Variants in SPOCK1 observed in about 807,000 individuals in gnomAD.
SPOCK1 encodes the protein SPARC (osteonectin), cwcv and kazal like domains proteoglycan 1.
SPOCK1 carries 23 observed loss-of-function variants against 55.3 expected under a neutral mutation model. The observed-to-expected ratio is 0.42, with a 90% CI of 0.30 to 0.59. The LOEUF is 0.59. Ranked by LOEUF, SPOCK1 falls within the 20% of genes least tolerant of loss-of-function variation. The pLI is 0.22. For missense variants in SPOCK1, 499 were observed against 552.5 expected, an observed-to-expected ratio of 0.90 and a Z score of 0.97; for synonymous variants, 226 against 221.0, an observed-to-expected ratio of 1.02 and a Z score of -0.20.
At chr5:137,285,650 A>G (rs1398689465) in intron 2 of SPOCK1, among the ~76,000 whole-genome samples, 1 of 152,248 alleles carries the variant, frequency 6.6e-6, no homozygotes, top group East Asian at 1.9e-4. Context: ...TAAAGACAGG[A>G]AAAAGACATG....
chr5:137,418,194 C>T (rs1580915067), intron 2 of SPOCK1, among the ~76,000 whole-genome samples: 1 of 152,080 alleles, frequency 6.6e-6, no homozygotes, highest in Non-Finnish European at 1.5e-5. Context: ...TTTCTTAATC[C>T]AGTCTATCAT....
At chr5:137,217,442 C>A (rs764415429) in intron 3 of SPOCK1, among the ~76,000 whole-genome samples, 1 of 152,188 alleles carries the variant, frequency 6.6e-6, no homozygotes, top group Non-Finnish European at 1.5e-5. Context: ...GAGCCTCCCC[C>A]ACCACAGCCT....
At chr5:137,431,876 C>A (rs1752751975) in intron 2 of SPOCK1, among the ~76,000 whole-genome samples, 2 of 152,142 alleles carry the variant, frequency 1.3e-5, no homozygotes, top group South Asian at 4.2e-4. Context: ...TATAAATTGC[C>A]CCGTCTTTGG....
At chr5:137,171,300 C>G (rs1754750947) in intron 3 of SPOCK1, among the ~76,000 whole-genome samples, 2 of 152,176 alleles carry the variant, frequency 1.3e-5, no homozygotes, top group South Asian at 4.1e-4. Flanking sequence ...CTCTGCCACT[C>G]TTGCATATCT....
At chr5:137,093,917 A>G (rs1385131890) in intron 5 of SPOCK1, among the ~76,000 whole-genome samples, 2 of 152,228 alleles carry the variant, frequency 1.3e-5, no homozygotes, top group Non-Finnish European at 2.9e-5. Context: ...AGGCTGTTTC[A>G]ATGATCACTC....
At chr5:137,375,165 A>C (rs1751286433) in intron 2 of SPOCK1, among the ~76,000 whole-genome samples, 1 of 152,234 alleles carries the variant, frequency 6.6e-6, no homozygotes, top group South Asian at 2.1e-4. Flanking sequence ...AAAAAAAGTC[A>C]AGAAGTAACA....
chr5:137,449,020 A>G (rs1160039542), intron 2 of SPOCK1, among the ~76,000 whole-genome samples: 5 of 152,160 alleles, frequency 3.3e-5, no homozygotes, highest in South Asian at 4.1e-4. Context: ...CTCTTCCACA[A>G]TCTTCCAGTG....
At chr5:137,110,670 G>A (rs1462108891) in intron 5 of SPOCK1, among the ~76,000 whole-genome samples, 1 of 152,188 alleles carries the variant, frequency 6.6e-6, no homozygotes, top group African/African-American at 2.4e-5. Context: ...TATGGCTATT[G>A]AGAAAGGCTA....
At chr5:137,341,880 A>T (rs1197537951) in intron 2 of SPOCK1, among the ~76,000 whole-genome samples, 1 of 152,252 alleles carries the variant, frequency 6.6e-6, no homozygotes, top group Non-Finnish European at 1.5e-5. Flanking sequence ...TCACGGGAAG[A>T]AAACAAAAAG....
At chr5:137,372,997 T>C (rs913361461) in intron 2 of SPOCK1, among the ~76,000 whole-genome samples, 3 of 152,206 alleles carry the variant, frequency 2.0e-5, no homozygotes, top group Non-Finnish European at 4.4e-5. Flanking sequence ...CTAAAAAGGC[T>C]TGAGGCTGTG....
chr5:137,406,988 A>G (rs973152620), intron 2 of SPOCK1, among the ~76,000 whole-genome samples: 8 of 152,204 alleles, frequency 5.3e-5, no homozygotes, highest in African/African-American at 1.9e-4. Context: ...CTAAGGCCAA[A>G]AAGTAAGTGA....
At chr5:137,126,125 C>T (rs1753778227) in intron 4 of SPOCK1, among the ~76,000 whole-genome samples, 1 of 152,194 alleles carries the variant, frequency 6.6e-6, no homozygotes, top group African/African-American at 2.4e-5. Flanking sequence ...GTGCCATTCT[C>T]ACTGTAATAA....
intron 2 of SPOCK1, among the ~76,000 whole-genome samples, chr5:137,333,322 TA>T (rs1340793147): frequency 2.6e-5 from 4 of 152,124 alleles, no homozygotes; most frequent in Admixed American, 2.6e-4. Context: ...AGGAGTGACT[TA>T]GTGAACATGA....
chr5:137,296,655 G>A (rs1166973042), intron 2 of SPOCK1, among the ~76,000 whole-genome samples: 1 of 152,212 alleles, frequency 6.6e-6, no homozygotes, highest in Non-Finnish European at 1.5e-5. Context: ...TCTGTGACAA[G>A]CACCGATAAA....
chr5:137,019,962 G>A (rs1396871757), intron 6 of SPOCK1, among the ~76,000 whole-genome samples: 2 of 151,816 alleles, frequency 1.3e-5, no homozygotes, highest in Non-Finnish European at 2.9e-5. Context: ...TTGTCTGGGA[G>A]GAACACAGAG....
chr5:137,040,613 C>T (rs543779817), intron 6 of SPOCK1, among the ~76,000 whole-genome samples: 1 of 152,322 alleles, frequency 6.6e-6, no homozygotes, highest in Non-Finnish European at 1.5e-5. Flanking sequence ...AAATCTGTTG[C>T]TTAAACTGCT....
At position 137,294,376 on chromosome 5, in the gene SPOCK1, G is replaced by A. The variant is rs147414517; in HGVS notation, c.187-27321C>T. On this transcript the variant is annotated intron_variant, in intron 2 of 10. Coordinates refer to ENST00000394945, the MANE Select transcript of SPOCK1 (RefSeq NM_004598.4). ...CTCTCAAAAACCCTGTATTAGTTAC[G>A]TTTTATAGGTGAAGAGACTGAGATC... Among the ~76,000 whole-genome samples the A allele has an allele frequency of 9.0e-3, 1,366 of 152,248 alleles. 21 individuals are homozygous for A. The highest frequency in any genetic ancestry group is 0.019 in the Admixed American group (287 of 15,294).
intron 2 of SPOCK1, among the ~76,000 whole-genome samples, chr5:137,480,513 T>C (rs1753929037): frequency 6.6e-6 from 1 of 152,098 alleles, no homozygotes; most frequent in African/African-American, 2.4e-5. Flanking sequence ...GTACACCCAC[T>C]GGGAAAGAGA....
At chr5:137,076,384 G>A (rs1352701373) in intron 5 of SPOCK1, among the ~76,000 whole-genome samples, 1 of 152,104 alleles carries the variant, frequency 6.6e-6, no homozygotes, top group African/African-American at 2.4e-5. Context: ...AACTTACTAT[G>A]GGGTTACATT....
Sources: allele counts gnomAD v4.1 joint callset (sites outside exome capture counted in the v4.1 genomes callset), GRCh38; gene constraint gnomAD v4.1.1; transcripts MANE v1.5; gene names NCBI Gene and HGNC (gene_info 2026-07-23, HGNC 2026-07-21).